MPPED2: variants seen among roughly 807,000 people sequenced by gnomAD.
The protein encoded by MPPED2 is metallophosphoesterase domain containing 2.
MPPED2 carries 5 observed loss-of-function variants against 33.0 expected under a neutral mutation model. The observed-to-expected ratio is 0.15, with a 90% CI of 0.08 to 0.32. The LOEUF (loss-of-function observed/expected upper bound fraction) is 0.32. Ranked by LOEUF, MPPED2 falls within the 10% of genes least tolerant of loss-of-function variation. The pLI is 1.00. For missense variants in MPPED2, 275 were observed against 372.1 expected (o/e 0.74, Z 2.15); for synonymous variants, 136 against 141.9 (o/e 0.96, Z 0.29).
At chr11:30,485,181 T>C (rs999281325) in intron 4 of MPPED2, among the ~76,000 whole-genome samples, 1 of 152,178 alleles carries the variant, frequency 6.6e-6, no homozygotes, top group Non-Finnish European at 1.5e-5. Flanking sequence ...TGATTTACAG[T>C]TCTTTGCAAA....
In MPPED2 at chr11:30,388,904, A is replaced by C. The variant is rs1045330819; in HGVS notation, c.819T>G (p.Pro273=). 1.0e-5 allele frequency: 16 copies of C among 1,565,726 alleles called. No individual in the cohort carries two copies. The Admixed American group carries it at 1.3e-4, about 13-fold the overall frequency. ...TTCCTCTAGACTAGGAAGTTTTTGA[A>C]GGCAGAGAACATATTTTTGTCCTCA... Residue 273 remains proline, a synonymous_variant, in exon 7 of 7, where the codon CCT becomes CCG. Coordinates refer to the MPPED2 transcript ENST00000448418.
chr11:30,516,137 G>A (rs1258221717), intron 3 of MPPED2, among the ~76,000 whole-genome samples: 1 of 152,080 alleles, frequency 6.6e-6, no homozygotes, highest in Non-Finnish European at 1.5e-5. Flanking sequence ...TTAACAAAGT[G>A]CTTCAGGGAG....
chr11:30,499,488 T>C (rs1952455885), intron 3 of MPPED2, among the ~76,000 whole-genome samples: 1 of 152,168 alleles, frequency 6.6e-6, no homozygotes, highest in Non-Finnish European at 1.5e-5. Flanking sequence ...AGTAGGGATG[T>C]TCAATTTGCA....
At chr11:30,575,509 T>C (rs1018560418) in intron 2 of MPPED2, among the ~76,000 whole-genome samples, 3 of 152,236 alleles carry the variant, frequency 2.0e-5, no homozygotes, top group Non-Finnish European at 2.9e-5. Context: ...TCAGTATTTG[T>C]ATACAGATCG....
At chr11:30,486,994 C>T (rs923905333) in intron 4 of MPPED2, among the ~76,000 whole-genome samples, 1 of 152,216 alleles carries the variant, frequency 6.6e-6, no homozygotes, top group Non-Finnish European at 1.5e-5. Context: ...ACCACCACCA[C>T]CCTGATTCAC....
At chr11:30,544,906 C>T (rs1955327975) in intron 2 of MPPED2, among the ~76,000 whole-genome samples, 1 of 152,044 alleles carries the variant, frequency 6.6e-6, no homozygotes, top group Non-Finnish European at 1.5e-5. Flanking sequence ...GAAGCTGGGA[C>T]CTCACTTGGA....
At chr11:30,465,646 A>C (rs1430603180) in intron 4 of MPPED2, among the ~76,000 whole-genome samples, 1 of 152,204 alleles carries the variant, frequency 6.6e-6, no homozygotes, top group Non-Finnish European at 1.5e-5. Flanking sequence ...AAAACAACAT[A>C]TTTAGATTCC....
At chr11:30,388,308 G>A in exon 7 of MPPED2, 1 of 152,448 alleles carries the variant, frequency 6.6e-6, no homozygotes, top group Non-Finnish European at 1.5e-5. Context: ...GCCGGCAACT[G>A]CCGCACACAA....
chr11:30,390,113 G>C (rs965188446), intron 6 of MPPED2, among the ~76,000 whole-genome samples: 26 of 152,196 alleles, frequency 1.7e-4, no homozygotes, highest in Non-Finnish European at 3.2e-4. Flanking sequence ...TATTCAACTA[G>C]ATATTTACTA....
exon 7 of MPPED2, chr11:30,388,037 T>C (rs1052103772): frequency 4.6e-5 from 7 of 152,196 alleles, no homozygotes; most frequent in African/African-American, 1.7e-4. Flanking sequence ...TACCCCCAGC[T>C]GTCTACCACT....
intron 2 of MPPED2, among the ~76,000 whole-genome samples, chr11:30,564,313 A>C (rs1956353041): frequency 6.6e-6 from 1 of 152,182 alleles, no homozygotes; most frequent in Non-Finnish European, 1.5e-5. Flanking sequence ...AGTCATGCCC[A>C]GCTGCACTGG....
chr11:30,504,977 G>A (rs1052688983), intron 3 of MPPED2: 1 of 416,702 alleles, frequency 2.4e-6, no homozygotes, highest in Admixed American at 2.7e-5. Context: ...CAGCGGAAAT[G>A]CTCCCTCCTC....
intron 4 of MPPED2, among the ~76,000 whole-genome samples, chr11:30,469,782 T>C (rs924476721): frequency 4.6e-5 from 7 of 152,148 alleles, no homozygotes; most frequent in African/African-American, 1.7e-4. Context: ...ATATCCCCCA[T>C]TGATTAGCAG....
intron 4 of MPPED2, among the ~76,000 whole-genome samples, chr11:30,432,756 G>A (rs1055096948): frequency 6.6e-6 from 1 of 152,116 alleles, no homozygotes; most frequent in Non-Finnish European, 1.5e-5. Context: ...TAGGTTATCT[G>A]CTCACAAATC....
intron 3 of MPPED2, among the ~76,000 whole-genome samples, chr11:30,512,513 G>T (rs549593830): frequency 6.6e-6 from 1 of 151,732 alleles, no homozygotes; most frequent in Non-Finnish European, 1.5e-5. Flanking sequence ...GTCTGCTCTT[G>T]TTGTGGGGGG....
exon 7 of MPPED2, chr11:30,386,837 A>G: frequency 2.5e-6 from 1 of 398,592 alleles, no homozygotes; most frequent in Admixed American, 4.4e-5. Context: ...ACATAATAGC[A>G]ATAGCAAAAG....
rs374623793 is a variant in MPPED2 at position 30,421,883 on chromosome 11, T to A, written c.537-4250A>T. Reference sequence around the variant, plus strand: ...CCTTTAGTAAAAACATAGTATGATATGGCTGTTCTGGGGGCTTTCCAGTCC... The same window carrying A: ...CCTTTAGTAAAAACATAGTATGATAAGGCTGTTCTGGGGGCTTTCCAGTCC... On this transcript the variant is annotated intron_variant, in intron 4 of 6. Coordinates refer to ENST00000358117, the MANE Select transcript of MPPED2 (RefSeq NM_001584.3). Among the ~76,000 whole-genome samples the A allele has an allele frequency of 2.8e-3, 425 of 152,324 alleles. 2 individuals carry two copies. The highest frequency in any genetic ancestry group is 9.8e-3 in the African/African-American group (406 of 41,574).
chr11:30,518,336 T>C lies in MPPED2; in HGVS notation c.310+17658A>G, dbSNP rs545186438. 1.3e-4 allele frequency among the ~76,000 whole-genome samples: 20 copies of C among 152,306 alleles called. No homozygotes were observed. In the South Asian group the frequency reaches 4.1e-3, roughly 32 times the overall value. The stretch of plus-strand genomic sequence containing the variant: ...CACCTCTGTTTATCTCCAAACCAGT[T>C]TATCCAGCTGTATTTTTTAATGTAA... On this transcript the variant is annotated intron_variant, in intron 3 of 6. Transcript: ENST00000358117.
At chr11:30,481,476 C>T (rs1358945229) in intron 4 of MPPED2, among the ~76,000 whole-genome samples, 1 of 152,144 alleles carries the variant, frequency 6.6e-6, no homozygotes, top group Non-Finnish European at 1.5e-5. Context: ...ACACATTAAG[C>T]TCTTGAACAA....
Sources: gnomAD v4.1 joint callset for allele counts (sites outside exome capture counted in the v4.1 genomes callset) on GRCh38, gnomAD v4.1.1 for gene constraint, MANE v1.5 for transcripts, NCBI Gene and HGNC (gene_info 2026-07-23, HGNC 2026-07-21) for gene names.